Variants in ZNF148 observed in about 807,000 individuals in gnomAD.
The protein encoded by ZNF148 is zinc finger protein 148.
Under a neutral mutation model 67.7 loss-of-function variants are expected in ZNF148, and 7 were observed. That is an observed-to-expected ratio of 0.10 (90% CI 0.06 to 0.19). The LOEUF (loss-of-function observed/expected upper bound fraction) is 0.19. ZNF148 is among the 10% of genes least tolerant of loss of function. The pLI is 1.00. For synonymous variants in ZNF148, 333 were observed against 330.7 expected, an observed-to-expected ratio of 1.01 and a Z score of -0.08; for missense variants, 583 against 947.1, an observed-to-expected ratio of 0.62 and a Z score of 5.05.
intron 7 of ZNF148, among the ~76,000 whole-genome samples, chr3:125,245,292 C>T (rs1936545538): frequency 6.6e-6 from 1 of 152,126 alleles, no homozygotes; most frequent in African/African-American, 2.4e-5. Context: ...TCCCCTCATG[C>T]CGTTCTCCTG....
At chr3:125,281,213 G>A (rs1001570072) in intron 5 of ZNF148, among the ~76,000 whole-genome samples, 1 of 152,190 alleles carries the variant, frequency 6.6e-6, no homozygotes, top group African/African-American at 2.4e-5. Flanking sequence ...GAGAATGGAA[G>A]TGGGTGTCAC....
intron 7 of ZNF148, among the ~76,000 whole-genome samples, chr3:125,235,715 G>A (rs946799625): frequency 6.6e-5 from 10 of 151,944 alleles, no homozygotes; most frequent in Admixed American, 4.6e-4. Context: ...GTCCAACAAC[G>A]ATAGACTGGA....
At chr3:125,336,136 CTT>C (rs1347266183) in intron 1 of ZNF148, among the ~76,000 whole-genome samples, 3 of 152,142 alleles carry the variant, frequency 2.0e-5, no homozygotes, top group Non-Finnish European at 4.4e-5. Flanking sequence ...ACGTGTAATG[CTT>C]ACACATTAAC....
chr3:125,325,615 T>C (rs1463797589), intron 2 of ZNF148, among the ~76,000 whole-genome samples: 3 of 151,822 alleles, frequency 2.0e-5, no homozygotes. Context: ...ACAGGAACCC[T>C]CCATCATGCC....
chr3:125,358,937 T>C (rs1043851745), intron 1 of ZNF148, among the ~76,000 whole-genome samples: 5 of 152,240 alleles, frequency 3.3e-5, no homozygotes, highest in Non-Finnish European at 2.9e-5. Context: ...TGAATTAATA[T>C]AGTTATCATT....
chr3:125,323,310 C>CTAATTT lies in ZNF148; in HGVS notation c.-19_-18insAAATTA. ...ATGAAAAATAAGTATTAAAATTACC[C>CTAATTT]GAGACTAAGGTAAAAACGAAGACTT... On this transcript the variant is annotated splice_region_variant and 5_prime_UTR_variant, in exon 3 of 9. Transcript: ENST00000360647. The CTAATTT allele has an allele frequency of 3.2e-6, 2 of 617,122 alleles. No homozygotes were observed. The highest frequency in any genetic ancestry group is 5.7e-6 in the Non-Finnish European group (2 of 349,326). The allele number at this position is 617,122 out of a possible 1,614,324, so 38.2% of individuals were successfully genotyped here.
chr3:125,245,927 C>G (rs941629783), intron 7 of ZNF148, among the ~76,000 whole-genome samples: 3 of 152,222 alleles, frequency 2.0e-5, no homozygotes, highest in Non-Finnish European at 4.4e-5. Flanking sequence ...CTCTATTCTT[C>G]TGGCCCCTAC....
At chr3:125,259,048 T>C (rs552026019) in intron 7 of ZNF148, among the ~76,000 whole-genome samples, 23 of 152,172 alleles carry the variant, frequency 1.5e-4, no homozygotes, top group Non-Finnish European at 3.1e-4. Flanking sequence ...TGATGTTATA[T>C]CTTGGAAAGT....
intron 7 of ZNF148, among the ~76,000 whole-genome samples, chr3:125,246,604 A>G (rs568800562): frequency 4.6e-5 from 7 of 152,324 alleles, no homozygotes; most frequent in East Asian, 1.9e-4. Context: ...GCACAGTAGT[A>G]TAACAGCTCA....
At chr3:125,315,386 T>C (rs778333028) in intron 3 of ZNF148, among the ~76,000 whole-genome samples, 16 of 151,980 alleles carry the variant, frequency 1.1e-4, no homozygotes, top group Non-Finnish European at 1.9e-4. Flanking sequence ...ATTAAATATA[T>C]AAAATAACTA....
chr3:125,262,276 G>T (rs1017227098), intron 7 of ZNF148, among the ~76,000 whole-genome samples: 1 of 152,116 alleles, frequency 6.6e-6, no homozygotes, highest in Non-Finnish European at 1.5e-5. Flanking sequence ...GTATTACACT[G>T]GACATTAACT....
intron 1 of ZNF148, among the ~76,000 whole-genome samples, chr3:125,369,053 G>C (rs1192257172): frequency 1.3e-5 from 2 of 151,684 alleles, no homozygotes; most frequent in African/African-American, 4.9e-5. Context: ...CCTGAGGCCA[G>C]GAGTTCGAGA....
chr3:125,238,473 C>G (rs769209402), intron 7 of ZNF148, among the ~76,000 whole-genome samples: 1 of 151,768 alleles, frequency 6.6e-6, no homozygotes, highest in African/African-American at 2.4e-5. Flanking sequence ...ACTAAAAATA[C>G]AAAAATTAGC....
chr3:125,248,518 G>A (rs959848614), intron 7 of ZNF148, among the ~76,000 whole-genome samples: 2 of 152,100 alleles, frequency 1.3e-5, no homozygotes, highest in African/African-American at 4.8e-5. Context: ...AAATTAACTA[G>A]GGTATAAAAG....
chr3:125,306,871 GAAC>G (rs1939906674), intron 4 of ZNF148, among the ~76,000 whole-genome samples: 1 of 151,608 alleles, frequency 6.6e-6, no homozygotes, highest in South Asian at 2.1e-4. Context: ...TGTCTCCAAA[GAAC>G]AACAAAAAAC....
chr3:125,357,022 G>A (rs924836951), intron 1 of ZNF148: 1 of 152,234 alleles, frequency 6.6e-6, no homozygotes, highest in African/African-American at 2.4e-5. Flanking sequence ...TTCAACAGAA[G>A]ATTTGTAAAA....
intron 1 of ZNF148, among the ~76,000 whole-genome samples, chr3:125,340,915 G>A (rs1352731225): frequency 1.5e-4 from 22 of 147,918 alleles, no homozygotes; most frequent in African/African-American, 5.0e-4. Context: ...GTGAACCCAG[G>A]AGGCGGAGCT....
At chr3:125,293,261 C>A (rs547911320) in intron 4 of ZNF148, among the ~76,000 whole-genome samples, 1 of 152,178 alleles carries the variant, frequency 6.6e-6, no homozygotes, top group African/African-American at 2.4e-5. Flanking sequence ...ACTATACAAT[C>A]CCTTTCTCTC....
At chr3:125,341,972 G>A (rs62270351) in intron 1 of ZNF148, among the ~76,000 whole-genome samples, 17,200 of 140,424 alleles carry the variant, frequency 0.12, 1,228 homozygotes, top group Admixed American at 0.17. Flanking sequence ...TCCAGCCTGG[G>A]TGACAGAGCC....
Sources: gnomAD v4.1 joint callset for allele counts (sites outside exome capture counted in the v4.1 genomes callset) on GRCh38, gnomAD v4.1.1 for gene constraint, MANE v1.5 for transcripts, NCBI Gene and HGNC (gene_info 2026-07-23, HGNC 2026-07-21) for gene names.